The following ZBTB16 variants were observed in gnomAD, a reference collection of about 807,000 sequenced individuals.
ZBTB16 encodes the protein zinc finger and BTB domain-containing protein 16.
ZBTB16 carries 8 observed loss-of-function variants against 56.8 expected under a neutral mutation model. The ratio of observed to expected loss-of-function variants is 0.14; its 90% CI spans 0.08 to 0.25. The LOEUF (loss-of-function observed/expected upper bound fraction) is 0.25. Ranked by LOEUF, ZBTB16 falls within the 10% of genes least tolerant of loss-of-function variation. The pLI is 1.00. For synonymous variants in ZBTB16, 363 were observed against 368.5 expected, an observed-to-expected ratio of 0.98 and a Z score of 0.17; for missense variants, 625 against 903.0, an observed-to-expected ratio of 0.69 and a Z score of 3.95.
chr11:114,191,128 A>G (rs2135073523), intron 4 of ZBTB16, among the ~76,000 whole-genome samples: 1 of 152,288 alleles, frequency 6.6e-6, no homozygotes, highest in South Asian at 2.1e-4. Context: ...GTGCTAAACC[A>G]TTCAGGAGAA....
At chr11:114,212,786 C>T (rs1228087028) in intron 4 of ZBTB16, among the ~76,000 whole-genome samples, 1 of 152,132 alleles carries the variant, frequency 6.6e-6, no homozygotes, top group African/African-American at 2.4e-5. Flanking sequence ...TGAGGGACCA[C>T]CTGGCTTATC....
chr11:114,148,863 GGTGTGTGTGTGTGTGT>G lies in ZBTB16; in HGVS notation c.1269-7451_1269-7436del, dbSNP rs35071911. Reference sequence around the variant, plus strand: ...ACAGTAGGGGCAACTGTTTTTTACTGGTGTGTGTGTGTGTGTGTGTGTGTGTGTGTGTGTGTGTATC... The same window carrying G: ...ACAGTAGGGGCAACTGTTTTTTACTGGTGTGTGTGTGTGTGTGTGTGTATC... On this transcript the variant is annotated intron_variant, in intron 2 of 6. Coordinates refer to ENST00000335953, the MANE Select transcript of ZBTB16 (RefSeq NM_006006.6). Among the ~76,000 whole-genome samples the G allele has an allele frequency of 2.4e-3, 347 of 144,044 alleles. 2 individuals carry two copies. The highest frequency in any genetic ancestry group is 8.3e-3 in the African/African-American group (316 of 38,296). The allele number at this position is 144,044 out of a possible 152,430, so 94.5% of individuals were successfully genotyped here.
At chr11:114,086,707 G>A (rs936111852) in intron 2 of ZBTB16, among the ~76,000 whole-genome samples, 1 of 152,110 alleles carries the variant, frequency 6.6e-6, no homozygotes, top group African/African-American at 2.4e-5. Flanking sequence ...GAATACTTGG[G>A]TGCTTTCAGA....
At chr11:114,077,871 T>C (rs1939626191) in intron 2 of ZBTB16, among the ~76,000 whole-genome samples, 1 of 152,246 alleles carries the variant, frequency 6.6e-6, no homozygotes, top group African/African-American at 2.4e-5. Context: ...CTTAGTGCTA[T>C]TTGCATAAGA....
intron 3 of ZBTB16, among the ~76,000 whole-genome samples, chr11:114,182,899 G>A (rs1943280814): frequency 6.6e-6 from 1 of 152,174 alleles, no homozygotes; most frequent in Non-Finnish European, 1.5e-5. Context: ...TAACAGATGA[G>A]GCCTCTATTA....
chr11:114,196,850 T>G (rs1230390586), intron 4 of ZBTB16, among the ~76,000 whole-genome samples: 3 of 152,156 alleles, frequency 2.0e-5, no homozygotes, highest in Admixed American at 2.0e-4. Context: ...TCCAAAAATA[T>G]AGACCTTTTT....
intron 3 of ZBTB16, among the ~76,000 whole-genome samples, chr11:114,180,408 G>T (rs1443238222): frequency 6.6e-6 from 1 of 152,208 alleles, no homozygotes; most frequent in Non-Finnish European, 1.5e-5. Context: ...CTGGGGGGCA[G>T]GAGGCTCACT....
At chr11:114,084,430 G>C (rs1299301195) in intron 2 of ZBTB16, among the ~76,000 whole-genome samples, 3 of 152,208 alleles carry the variant, frequency 2.0e-5, no homozygotes, top group African/African-American at 7.2e-5. Context: ...GTAACTTAAA[G>C]CAACAGAGAA....
intron 2 of ZBTB16, among the ~76,000 whole-genome samples, chr11:114,123,188 C>T (rs1203518634): frequency 6.6e-6 from 1 of 152,140 alleles, no homozygotes; most frequent in Non-Finnish European, 1.5e-5. Flanking sequence ...AAATAACAGT[C>T]ACATTCGAGA....
At chr11:114,249,721 C>T (rs1161347069) in intron 6 of ZBTB16, among the ~76,000 whole-genome samples, 6 of 133,490 alleles carry the variant, frequency 4.5e-5, no homozygotes, top group East Asian at 4.5e-4. Flanking sequence ...GCCGAGATTG[C>T]GCCACTGCAG....
chr11:114,175,440 C>T lies in ZBTB16; in HGVS notation c.1367-11512C>T, dbSNP rs189216080. ...CTCCCAACAACTCTAAGATTACCCCCCATTTTATACATGTGCAAACTTTTT... is the reference window on the plus strand; with the variant it reads ...CTCCCAACAACTCTAAGATTACCCCTCATTTTATACATGTGCAAACTTTTT... On this transcript the variant is annotated intron_variant, in intron 3 of 6. Coordinates refer to ENST00000335953, the MANE Select transcript of ZBTB16 (RefSeq NM_006006.6). 2.6e-5 allele frequency among the ~76,000 whole-genome samples: 4 copies of T among 152,296 alleles called. No individual in the cohort carries two copies. In the East Asian group the frequency reaches 5.8e-4, roughly 22 times the overall value.
intron 2 of ZBTB16, among the ~76,000 whole-genome samples, chr11:114,093,260 C>T (rs988055150): frequency 6.6e-6 from 1 of 151,888 alleles, no homozygotes; most frequent in African/African-American, 2.4e-5. Context: ...TAGGCCTATC[C>T]CAGAGAGGCT....
intron 2 of ZBTB16, among the ~76,000 whole-genome samples, chr11:114,156,022 ATGTC>A (rs1269972040): frequency 6.6e-6 from 1 of 152,176 alleles, no homozygotes; most frequent in African/African-American, 2.4e-5. Context: ...AGTGAGCATT[ATGTC>A]TGTCTGACTG....
intron 2 of ZBTB16, among the ~76,000 whole-genome samples, chr11:114,070,398 G>A (rs753216413): frequency 3.3e-5 from 5 of 152,216 alleles, no homozygotes; most frequent in African/African-American, 9.6e-5. Flanking sequence ...GTGAGCCACC[G>A]CGCCCGGCCC....
chr11:114,149,224 C>T (rs1942223986), intron 2 of ZBTB16, among the ~76,000 whole-genome samples: 1 of 152,078 alleles, frequency 6.6e-6, no homozygotes, highest in African/African-American at 2.4e-5. Flanking sequence ...GTAGTTTGGC[C>T]AAGGTTATTT....
chr11:114,185,421 G>T (rs1460042542), intron 3 of ZBTB16, among the ~76,000 whole-genome samples: 1 of 152,240 alleles, frequency 6.6e-6, no homozygotes, highest in Middle Eastern at 3.2e-3. Flanking sequence ...TGCCCAGAGA[G>T]GGCCGGTGAG....
chr11:114,237,541 C>T (rs529951430), intron 4 of ZBTB16, among the ~76,000 whole-genome samples: 1 of 152,366 alleles, frequency 6.6e-6, no homozygotes, highest in African/African-American at 2.4e-5. Context: ...TGCCGGGCCC[C>T]CCTGCCCCGC....
At chr11:114,212,524 T>C (rs931793047) in intron 4 of ZBTB16, among the ~76,000 whole-genome samples, 8 of 152,292 alleles carry the variant, frequency 5.3e-5, no homozygotes, top group Middle Eastern at 3.4e-3. Flanking sequence ...TCTCCTGTTA[T>C]AGATGAAGAA....
chr11:114,254,400 AAAAG>A lies in ZBTB16; in HGVS notation c.*3849_*3852del, dbSNP rs1944966286. Among the ~76,000 whole-genome samples, 2 of 152,150 alleles carry A rather than the reference AAAAG, an allele frequency of 1.3e-5. No individual in the cohort carries two copies. The highest frequency in any genetic ancestry group is 4.8e-5 in the African/African-American group (2 of 41,436). On this transcript the variant is annotated 3_prime_UTR_variant, in exon 7 of 7. Transcript: ENST00000335953. ...GAACAGTTTTTCCATGTTGAGAAAA[AAAAG>A]AAAAAAAAACTGCTGCAATTTTTCA...
Sources: gnomAD v4.1 joint callset for allele counts (sites outside exome capture counted in the v4.1 genomes callset) on GRCh38, gnomAD v4.1.1 for gene constraint, MANE v1.5 for transcripts, NCBI Gene and HGNC (gene_info 2026-07-23, HGNC 2026-07-21) for gene names.